The following BCAR3 variants were observed in gnomAD, a reference collection of about 807,000 sequenced individuals.
BCAR3 encodes the protein BCAR3 adaptor protein, NSP family member.
A neutral mutation model predicts 80.1 loss-of-function variants in BCAR3; 37 were observed. The ratio of observed to expected loss-of-function variants is 0.46; its 90% CI spans 0.36 to 0.61. The LOEUF (loss-of-function observed/expected upper bound fraction) is 0.61, where lower values mean the gene tolerates loss of function less well. Among genes scored for constraint, BCAR3 ranks in the 20% least tolerant of loss-of-function variants. BCAR3 has a pLI of 0.00. For missense variants in BCAR3, 978 were observed against 1,068.2 expected, an observed-to-expected ratio of 0.92 and a Z score of 1.18; for synonymous variants, 389 against 418.9, an observed-to-expected ratio of 0.93 and a Z score of 0.87.
At chr1:93,738,525 G>C (rs1651070079) in intron 2 of BCAR3, among the ~76,000 whole-genome samples, 1 of 152,260 alleles carries the variant, frequency 6.6e-6, no homozygotes, top group African/African-American at 2.4e-5. Flanking sequence ...AATGCACAGA[G>C]GTCCCGGCAG....
At chr1:93,619,368 T>C (rs1675242060) in intron 3 of BCAR3, among the ~76,000 whole-genome samples, 1 of 152,140 alleles carries the variant, frequency 6.6e-6, no homozygotes, top group Non-Finnish European at 1.5e-5. Context: ...ACACCTCTGC[T>C]TCAGGGGATT....
At chr1:93,613,764 T>A (rs1394319410) in intron 3 of BCAR3, 18 of 1,477,500 alleles carry the variant, frequency 1.2e-5, no homozygotes, top group Non-Finnish European at 1.4e-5. Context: ...TGCAAACTTT[T>A]ATCTATTGCC....
intron 2 of BCAR3, among the ~76,000 whole-genome samples, chr1:93,760,457 C>G (rs1651897784): frequency 6.6e-6 from 1 of 152,042 alleles, no homozygotes; most frequent in African/African-American, 2.4e-5. Context: ...AGGTGCTTTA[C>G]TCACTCCAGT....
chr1:93,769,259 C>T (rs12402983), intron 2 of BCAR3, among the ~76,000 whole-genome samples: 17,792 of 152,100 alleles, frequency 0.12, 1,469 homozygotes, highest in African/African-American at 0.22. Context: ...GGGGAAAATA[C>T]GCTCGTGGTA....
intron 3 of BCAR3, among the ~76,000 whole-genome samples, chr1:93,691,066 C>G (rs560043627): frequency 7.2e-5 from 11 of 152,318 alleles, no homozygotes; most frequent in South Asian, 2.1e-4. Flanking sequence ...TAAAATATCA[C>G]TATACTCAGG....
intron 2 of BCAR3, among the ~76,000 whole-genome samples, chr1:93,660,763 A>C (rs1024418051): frequency 6.6e-6 from 1 of 152,266 alleles, no homozygotes; most frequent in Non-Finnish European, 1.5e-5. Context: ...TGCCCAGCCC[A>C]GAGTGCAATG....
chr1:93,825,212 G>A (rs75293774), intron 2 of BCAR3, among the ~76,000 whole-genome samples: 3,482 of 133,516 alleles, frequency 0.026, 464 homozygotes, highest in African/African-American at 0.084. Flanking sequence ...CCCCCACTCA[G>A]CCTCAGGGCT....
chr1:93,731,012 C>T (rs555225805), intron 2 of BCAR3, among the ~76,000 whole-genome samples: 2 of 152,222 alleles, frequency 1.3e-5, no homozygotes, highest in African/African-American at 2.4e-5. Context: ...TGTGGTCTTC[C>T]TCCCCAGAAT....
intron 2 of BCAR3, among the ~76,000 whole-genome samples, chr1:93,822,269 C>A (rs1159532450): frequency 6.7e-6 from 1 of 149,796 alleles, no homozygotes; most frequent in Non-Finnish European, 1.5e-5. Flanking sequence ...CCTCCACCTC[C>A]CAGGTTCAAG....
chr1:93,613,739 T>C, intron 3 of BCAR3: 2 of 1,354,518 alleles, frequency 1.5e-6, no homozygotes. Context: ...ACCTCTGTTT[T>C]CACAATCAGC....
chr1:93,797,610 G>A (rs1162759882), intron 2 of BCAR3, among the ~76,000 whole-genome samples: 1 of 152,044 alleles, frequency 6.6e-6, no homozygotes, highest in Non-Finnish European at 1.5e-5. Flanking sequence ...CAGTGGAAGA[G>A]CCTGGGGCCA....
At chr1:93,822,821 C>CCCCCAGGCCATGCG (rs1489191561) in intron 2 of BCAR3, among the ~76,000 whole-genome samples, 9 of 136,666 alleles carry the variant, frequency 6.6e-5, no homozygotes, top group Admixed American at 3.0e-4. Flanking sequence ...ACCTACCCAT[C>CCCCCAGGCCATGCG]AACTCATCAC....
intron 2 of BCAR3, among the ~76,000 whole-genome samples, chr1:93,761,503 G>C (rs1302959906): frequency 6.6e-6 from 1 of 152,174 alleles, no homozygotes; most frequent in Non-Finnish European, 1.5e-5. Flanking sequence ...GAAACCACAG[G>C]CTGGTCTTTG....
At chr1:93,765,619 T>C (rs116154809) in intron 2 of BCAR3, among the ~76,000 whole-genome samples, 3,802 of 152,138 alleles carry the variant, frequency 0.025, 78 homozygotes, top group Non-Finnish European at 0.035. Flanking sequence ...ATTATTATCA[T>C]TATTTTTGTG....
At position 93,562,209 on chromosome 1, in the gene BCAR3, A is replaced by G; in HGVS notation, c.*32T>C. On this transcript the variant is annotated 3_prime_UTR_variant, in exon 12 of 12. Transcript: ENST00000260502. ...CCAAAGATGAAGCTGGGGAAACTTGAAAAGATATTCTAAAGGTTCTCTGGA... is the reference window on the plus strand; with the variant it reads ...CCAAAGATGAAGCTGGGGAAACTTGGAAAGATATTCTAAAGGTTCTCTGGA... The G allele has an allele frequency of 2.5e-6, 4 of 1,579,796 alleles. No individual in the cohort carries two copies. The highest frequency in any genetic ancestry group is 3.4e-6 in the Non-Finnish European group (4 of 1,160,982).
chr1:93,730,324 C>A (rs1464790337), intron 2 of BCAR3, among the ~76,000 whole-genome samples: 1 of 152,116 alleles, frequency 6.6e-6, no homozygotes, highest in Non-Finnish European at 1.5e-5. Context: ...CATCTTATTG[C>A]TCATCACGCT....
intron 2 of BCAR3, among the ~76,000 whole-genome samples, chr1:93,760,728 G>T (rs1338439008): frequency 1.3e-5 from 2 of 152,176 alleles, no homozygotes; most frequent in Admixed American, 1.3e-4. Context: ...AAGTGTTCTA[G>T]GCAGCCCCAG....
intron 2 of BCAR3, among the ~76,000 whole-genome samples, chr1:93,799,213 G>T (rs925183848): frequency 6.6e-6 from 1 of 152,016 alleles, no homozygotes; most frequent in Admixed American, 6.6e-5. Context: ...ATTTTCCCCC[G>T]TGTTTTGGGG....
At chr1:93,707,419 A>G (rs186266239) in intron 2 of BCAR3, among the ~76,000 whole-genome samples, 16 of 152,226 alleles carry the variant, frequency 1.1e-4, no homozygotes, top group Admixed American at 9.2e-4. Flanking sequence ...CTTTAAAATA[A>G]TAATAATAGG....
Sources: gnomAD v4.1 joint callset for allele counts (sites outside exome capture counted in the v4.1 genomes callset) on GRCh38, gnomAD v4.1.1 for gene constraint, MANE v1.5 for transcripts, NCBI Gene and HGNC (gene_info 2026-07-23, HGNC 2026-07-21) for gene names.